The following GUCY2F variants were observed in gnomAD, a reference collection of about 807,000 sequenced individuals.
The protein encoded by GUCY2F is retinal guanylyl cyclase 2.
Under a neutral mutation model 73.1 loss-of-function variants are expected in GUCY2F, and 61 were observed. The observed-to-expected ratio is 0.83, with a 90% confidence interval of 0.68 to 1.03. The LOEUF (loss-of-function observed/expected upper bound fraction) is 1.03. Among genes scored for constraint, GUCY2F ranks in the 50% least tolerant of loss-of-function variants. GUCY2F has a pLI of 0.00. For synonymous variants in GUCY2F, 331 were observed against 307.8 expected (o/e 1.08, Z -0.79); for missense variants, 912 against 854.3 (o/e 1.07, Z -0.84).
At chrX:109,441,893 TA>T (rs939192947) in intron 6 of GUCY2F, among the ~76,000 whole-genome samples, 1 of 111,624 alleles carries the variant, frequency 9.0e-6, no homozygotes, top group Non-Finnish European at 1.9e-5. Context: ...ATCTGACATT[TA>T]AAAAAAATCT....
rs184761672 is a variant in GUCY2F at position 109,422,785 on chromosome X, C to A, written c.1791+7522G>T. ...CTAGGAGAAATTCTCAAGAGAAATT[C>A]AAATATGTGTCCATAAAAAGACTGG... On this transcript the variant is annotated intron_variant, in intron 8 of 19. Transcript: ENST00000218006. Among the ~76,000 whole-genome samples the A allele has an allele frequency of 1.3e-4, 15 of 111,475 alleles. No individual in the cohort carries two copies. In the East Asian group the frequency reaches 3.9e-3, roughly 29 times the overall value.
chrX:109,383,378 T>C (rs1225503007), intron 16 of GUCY2F: 21 of 703,691 alleles, frequency 3.0e-5, no homozygotes, highest in South Asian at 7.4e-5. Context: ...CATCCACTTG[T>C]ATGGTAGGGA....
At chrX:109,478,632 A>G (rs1932741709) in intron 1 of GUCY2F, among the ~76,000 whole-genome samples, 1 of 112,464 alleles carries the variant, frequency 8.9e-6, no homozygotes, top group African/African-American at 3.2e-5. Context: ...TCTAAGATAT[A>G]CTGAGTTCTT....
chrX:109,383,992 C>A (rs1930378654), intron 16 of GUCY2F, among the ~76,000 whole-genome samples: 1 of 112,729 alleles, frequency 8.9e-6, no homozygotes, highest in South Asian at 3.6e-4. Context: ...TGCAGCAGTT[C>A]CTGGATGACT....
At chrX:109,412,403 A>C (rs1232756465) in intron 8 of GUCY2F, among the ~76,000 whole-genome samples, 1 of 112,004 alleles carries the variant, frequency 8.9e-6, no homozygotes, top group East Asian at 2.8e-4. Flanking sequence ...CCCTGGTGGG[A>C]ATGTCAGCTA....
At chrX:109,435,309 G>A (rs1360288370) in intron 7 of GUCY2F, among the ~76,000 whole-genome samples, 4 of 107,152 alleles carry the variant, frequency 3.7e-5, no homozygotes, top group Non-Finnish European at 7.7e-5. Flanking sequence ...TCATTGAGCA[G>A]TGGTTTGTAG....
intron 8 of GUCY2F, among the ~76,000 whole-genome samples, chrX:109,426,298 A>C (rs1342979781): frequency 8.9e-6 from 1 of 112,466 alleles, no homozygotes; most frequent in Non-Finnish European, 1.9e-5. Flanking sequence ...AGACTGGAAG[A>C]CCTGATATAG....
intron 2 of GUCY2F, among the ~76,000 whole-genome samples, chrX:109,474,334 GA>G (rs1932636669): frequency 9.0e-6 from 1 of 111,693 alleles, no homozygotes; most frequent in Admixed American, 9.5e-5. Flanking sequence ...GCCATCTCCA[GA>G]GGAAGGTAAA....
intron 8 of GUCY2F, among the ~76,000 whole-genome samples, chrX:109,429,164 C>A (rs1432797629): frequency 1.8e-5 from 2 of 112,121 alleles, no homozygotes; most frequent in African/African-American, 6.5e-5. Flanking sequence ...GTAATCCCAG[C>A]ACTTTGGGAG....
intron 11 of GUCY2F, among the ~76,000 whole-genome samples, chrX:109,397,920 G>A (rs1478978812): frequency 2.7e-5 from 3 of 110,152 alleles, no homozygotes; most frequent in Non-Finnish European, 3.8e-5. Flanking sequence ...TAACATGGGT[G>A]TGCTGTATTA....
intron 10 of GUCY2F, among the ~76,000 whole-genome samples, chrX:109,401,995 C>T (rs1174111937): frequency 1.8e-5 from 2 of 111,501 alleles, no homozygotes; most frequent in Admixed American, 1.9e-4. Context: ...CAGCAAGTTC[C>T]AGGCCATGCA....
At chrX:109,388,704 G>A in intron 14 of GUCY2F, 41 bp from the exon 15 acceptor site, 1 of 979,563 alleles carries the variant, frequency 1.0e-6, no homozygotes, top group Non-Finnish European at 1.5e-6. Flanking sequence ...CAACTTATTT[G>A]TGCTTCTTTT....
intron 3 of GUCY2F, among the ~76,000 whole-genome samples, chrX:109,462,187 C>T (rs1053552366): frequency 1.8e-5 from 2 of 112,667 alleles, no homozygotes; most frequent in African/African-American, 6.4e-5. Flanking sequence ...GTTTAATTTT[C>T]ACAGTAGTCC....
intron 6 of GUCY2F, among the ~76,000 whole-genome samples, chrX:109,446,400 C>G (rs1322837952): frequency 8.9e-6 from 1 of 111,928 alleles, no homozygotes. Context: ...GTAACCAAAA[C>G]AGCATGGTAC....
At chrX:109,409,681 C>T (rs1931061555) in intron 8 of GUCY2F, among the ~76,000 whole-genome samples, 2 of 111,141 alleles carry the variant, frequency 1.8e-5, no homozygotes, top group African/African-American at 6.6e-5. Flanking sequence ...ATCATGGGGG[C>T]AGGTCTTTCC....
At chrX:109,459,497 T>A (rs1258862584) in intron 3 of GUCY2F, among the ~76,000 whole-genome samples, 2 of 111,196 alleles carry the variant, frequency 1.8e-5, no homozygotes, top group African/African-American at 6.5e-5. Context: ...AGGAAACAGA[T>A]TAAATTGATT....
At chrX:109,392,169 A>G in intron 13 of GUCY2F, 66 bp from the exon 14 acceptor site, 1 of 767,275 alleles carries the variant, frequency 1.3e-6, no homozygotes, top group Non-Finnish European at 1.9e-6. Context: ...TACACCTGCT[A>G]AAAATACACC....
intron 10 of GUCY2F, among the ~76,000 whole-genome samples, chrX:109,401,217 T>C (rs994177235): frequency 1.1e-4 from 12 of 111,801 alleles, no homozygotes; most frequent in African/African-American, 3.9e-4. Context: ...ACCATTAGAG[T>C]TGAACTCTCG....
chrX:109,407,004 T>C (rs1246800245), intron 9 of GUCY2F, among the ~76,000 whole-genome samples: 1 of 112,255 alleles, frequency 8.9e-6, no homozygotes, highest in African/African-American at 3.2e-5. Flanking sequence ...GCTGAAAAGA[T>C]ACTCGAAAAT....
Sources: gnomAD v4.1 joint callset for allele counts (sites outside exome capture counted in the v4.1 genomes callset) on GRCh38, gnomAD v4.1.1 for gene constraint, MANE v1.5 for transcripts, NCBI Gene and HGNC (gene_info 2026-07-23, HGNC 2026-07-21) for gene names.